Variants in RNLS observed in about 807,000 individuals in gnomAD.
RNLS encodes renalase, FAD dependent amine oxidase, also known as renalase.
Under a neutral mutation model 39.8 loss-of-function variants are expected in RNLS, and 39 were observed. That is an observed-to-expected ratio of 0.98 (90% CI 0.76 to 1.28). The LOEUF is 1.28. RNLS is among the 50% of genes most tolerant of loss of function. RNLS has a pLI of 0.00. For missense variants in RNLS, 410 were observed against 413.3 expected (o/e 0.99, Z 0.07); for synonymous variants, 147 against 150.7 (o/e 0.98, Z 0.18).
intron 4 of RNLS, among the ~76,000 whole-genome samples, chr10:88,424,582 G>A (rs1447663272): frequency 6.6e-6 from 1 of 152,074 alleles, no homozygotes; most frequent in Non-Finnish European, 1.5e-5. Flanking sequence ...CAATCATAAA[G>A]TGTTCTATCA....
chr10:88,347,331 C>A (rs188694489), intron 5 of RNLS, among the ~76,000 whole-genome samples: 1 of 152,060 alleles, frequency 6.6e-6, no homozygotes, highest in African/African-American at 2.4e-5. Context: ...CAGCTCAGTC[C>A]CACAGACAGC....
At chr10:88,264,466 A>C in the RNLS span, among the ~76,000 whole-genome samples, 1 of 151,934 alleles carries the variant, frequency 6.6e-6, no homozygotes, top group African/African-American at 2.4e-5. Context: ...TTTTCACCAC[A>C]TCCCCACCAA....
At chr10:88,377,027 A>G (rs1478057261) in intron 4 of RNLS, among the ~76,000 whole-genome samples, 1 of 140,426 alleles carries the variant, frequency 7.1e-6, no homozygotes, top group Non-Finnish European at 1.5e-5. Context: ...AAACGTAGTG[A>G]ATTATTTTAT....
chr10:88,523,487 T>G (rs1846886747), intron 4 of RNLS, among the ~76,000 whole-genome samples: 1 of 152,184 alleles, frequency 6.6e-6, no homozygotes, highest in Non-Finnish European at 1.5e-5. Flanking sequence ...ATTATTCCAC[T>G]TCACTTCCTT....
At chr10:88,237,792 T>C in the RNLS span, among the ~76,000 whole-genome samples, 2 of 152,174 alleles carry the variant, frequency 1.3e-5, no homozygotes, top group Admixed American at 6.5e-5. Flanking sequence ...GCAAGAACCA[T>C]GTTGGATCCC....
chr10:88,427,707 A>T (rs1031523959), intron 4 of RNLS, among the ~76,000 whole-genome samples: 5 of 152,032 alleles, frequency 3.3e-5, no homozygotes, highest in African/African-American at 1.2e-4. Flanking sequence ...AACAGAGAGA[A>T]ATCAGTCATA....
At chr10:88,507,175 C>A (rs954141555) in intron 4 of RNLS, among the ~76,000 whole-genome samples, 36 of 152,030 alleles carry the variant, frequency 2.4e-4, no homozygotes, top group Non-Finnish European at 1.9e-4. Flanking sequence ...TTACTGTTAA[C>A]CATCAGTCAA....
At chr10:88,574,681 C>T (rs1488189581) in intron 3 of RNLS, among the ~76,000 whole-genome samples, 5 of 152,090 alleles carry the variant, frequency 3.3e-5, no homozygotes, top group Non-Finnish European at 7.4e-5. Flanking sequence ...TCTAGCTAGC[C>T]CAAGAGATCA....
chr10:88,284,004 G>A (rs573591291), downstream of RNLS: 29 of 438,856 alleles, frequency 6.6e-5, no homozygotes, highest in East Asian at 1.6e-4. Context: ...AAATATGGGC[G>A]AAAATAACAA....
intron 4 of RNLS, among the ~76,000 whole-genome samples, chr10:88,449,075 C>G (rs970418513): frequency 1.3e-5 from 2 of 152,142 alleles, no homozygotes; most frequent in Non-Finnish European, 2.9e-5. Flanking sequence ...GTGCAGCACA[C>G]CAACGTGGCA....
At chr10:88,413,674 C>T (rs573624897) in intron 4 of RNLS, among the ~76,000 whole-genome samples, 10 of 152,284 alleles carry the variant, frequency 6.6e-5, no homozygotes, top group South Asian at 2.1e-4. Context: ...AAGGCCTCTT[C>T]CTTCCTCTTT....
intron 4 of RNLS, among the ~76,000 whole-genome samples, chr10:88,542,789 A>G (rs1005911779): frequency 2.0e-5 from 3 of 152,186 alleles, no homozygotes; most frequent in Admixed American, 2.0e-4. Flanking sequence ...CCCCTAGAGC[A>G]GTAAAGCACT....
chr10:88,579,423 T>A (rs934048792), intron 3 of RNLS, among the ~76,000 whole-genome samples: 29 of 152,158 alleles, frequency 1.9e-4, no homozygotes, highest in Non-Finnish European at 7.4e-5. Flanking sequence ...GGGGTTCTTA[T>A]TTCTACGACC....
downstream of RNLS, among the ~76,000 whole-genome samples, chr10:88,272,333 GTTATT>G (rs1265745015): frequency 1.3e-5 from 2 of 151,220 alleles, no homozygotes; most frequent in African/African-American, 4.8e-5. Context: ...TCTTTTTTCT[GTTATT>G]TTAATTTTTT....
intron 4 of RNLS, among the ~76,000 whole-genome samples, chr10:88,530,112 G>C (rs1158510145): frequency 6.6e-6 from 1 of 152,152 alleles, no homozygotes; most frequent in African/African-American, 2.4e-5. Flanking sequence ...TGCCTGACCT[G>C]GATCAAATCC....
intron 4 of RNLS, among the ~76,000 whole-genome samples, chr10:88,550,497 T>C (rs1006589655): frequency 6.6e-6 from 1 of 152,166 alleles, no homozygotes; most frequent in Non-Finnish European, 1.5e-5. Context: ...GTGGTAGAGA[T>C]AGAGAAAGAC....
chr10:88,195,245 A>G, the RNLS span, among the ~76,000 whole-genome samples: 2 of 152,266 alleles, frequency 1.3e-5, no homozygotes, highest in Non-Finnish European at 2.9e-5. Flanking sequence ...GATAAAATGC[A>G]TTGTAATTGC....
At chr10:88,220,799 G>A in the RNLS span, among the ~76,000 whole-genome samples, 1 of 152,186 alleles carries the variant, frequency 6.6e-6, no homozygotes, top group Non-Finnish European at 1.5e-5. Flanking sequence ...CAGTTATCAT[G>A]TATGGGTGTT....
the RNLS span, among the ~76,000 whole-genome samples, chr10:88,253,179 T>A: frequency 2.0e-5 from 3 of 152,196 alleles, no homozygotes; most frequent in Non-Finnish European, 4.4e-5. Flanking sequence ...ATTTACCCAC[T>A]GTATTTCAGA....
Sources: gnomAD v4.1 joint callset for allele counts (sites outside exome capture counted in the v4.1 genomes callset) on GRCh38, gnomAD v4.1.1 for gene constraint, MANE v1.5 for transcripts, NCBI Gene and HGNC (gene_info 2026-07-23, HGNC 2026-07-21) for gene names.